SP140: variants seen among roughly 807,000 people sequenced by gnomAD.
SP140 encodes the protein SP140 nuclear body protein, also known as nuclear body protein SP140.
In SP140, 81 loss-of-function variants were observed where a neutral mutation model predicts 125.0. The observed-to-expected ratio is 0.65, with a 90% CI of 0.54 to 0.78. The LOEUF (loss-of-function observed/expected upper bound fraction) is 0.78, where lower values mean the gene tolerates loss of function less well. Ranked by LOEUF, SP140 falls within the 30% of genes least tolerant of loss-of-function variation. The pLI is 0.00. For missense variants in SP140, 858 were observed against 1,037.0 expected (o/e 0.83, Z 2.37); for synonymous variants, 312 against 354.0 (o/e 0.88, Z 1.33).
At chr2:230,208,970 A>C (rs1397666445) in intron 1 of SP140, among the ~76,000 whole-genome samples, 1 of 152,220 alleles carries the variant, frequency 6.6e-6, no homozygotes, top group Non-Finnish European at 1.5e-5. Context: ...GATGGCTTGG[A>C]AGGAGGAAAG....
In SP140 at chr2:230,294,254, A is replaced by G. The variant is rs1397670778; in HGVS notation, c.1969-17A>G. 5.6e-6 allele frequency: 9 copies of G among 1,610,960 alleles called. No individual in the cohort carries two copies. Among genetic ancestry groups the G allele is most frequent in the Non-Finnish European group, 7.6e-6 (9 of 1,177,306 alleles). ...AAACACAGGCTGACCATATACCTGA[A>G]TCTTTTTGTCTTTCAGAATGGATTT... On this transcript the variant is annotated splice_polypyrimidine_tract_variant and intron_variant, in intron 20 of 26. Coordinates refer to ENST00000392045, the MANE Select transcript of SP140 (RefSeq NM_007237.5).
At chr2:230,264,132 A>G (rs893442781) in intron 12 of SP140, among the ~76,000 whole-genome samples, 3 of 152,086 alleles carry the variant, frequency 2.0e-5, no homozygotes, top group African/African-American at 7.2e-5. Flanking sequence ...GTCATTTAAC[A>G]TAATCCCAGA....
At chr2:230,289,810 C>T (rs911018020) in intron 18 of SP140, among the ~76,000 whole-genome samples, 2 of 152,168 alleles carry the variant, frequency 1.3e-5, no homozygotes, top group Admixed American at 6.5e-5. Flanking sequence ...ATTCACTGCT[C>T]ACCCTCCTGG....
chr2:230,305,838 C>T (rs995541300), intron 22 of SP140, among the ~76,000 whole-genome samples: 3 of 152,242 alleles, frequency 2.0e-5, no homozygotes, highest in Non-Finnish European at 4.4e-5. Context: ...CGCCAGAGGC[C>T]GTGTCCCTAG....
In SP140 at chr2:230,217,077, C is replaced by T. The variant is rs1044062749; in HGVS notation, c.-91+3003C>T. On this transcript the variant is annotated intron_variant, in intron 3 of 4. Coordinates refer to the SP140 transcript ENST00000456542. ...CCTGGCCAACATGGTGAAACTCTGT[C>T]TCTACTAAAAATACAAAAATTAGCT... 7 of 629,604 alleles carry T rather than the reference C, an allele frequency of 1.1e-5. No homozygotes were observed. The Admixed American group carries it at 1.2e-4, about 11-fold the overall frequency. 39.0% of individuals were successfully genotyped at this position (629,604 alleles called of 1,614,324 possible).
intron 3 of SP140, among the ~76,000 whole-genome samples, chr2:230,240,136 T>C (rs1178857355): frequency 2.6e-5 from 4 of 152,184 alleles, no homozygotes; most frequent in African/African-American, 7.2e-5. Context: ...CCTCTACTTA[T>C]ACTACACAAC....
chr2:230,259,435 T>C (rs1377077101), intron 12 of SP140, among the ~76,000 whole-genome samples: 1 of 151,916 alleles, frequency 6.6e-6, no homozygotes, highest in Non-Finnish European at 1.5e-5. Context: ...CCCAGCACTT[T>C]GGGAGGCTGA....
downstream of SP140, among the ~76,000 whole-genome samples, chr2:230,313,735 C>T (rs906537925): frequency 6.6e-6 from 1 of 152,220 alleles, no homozygotes; most frequent in Non-Finnish European, 1.5e-5. Context: ...GGATCACTGT[C>T]TAGCCCAATG....
intron 21 of SP140, 65 bp downstream of exon 21, chr2:230,294,383 A>C (rs2057458068): frequency 1.0e-5 from 13 of 1,238,994 alleles, no homozygotes; most frequent in Non-Finnish European, 1.4e-5. Flanking sequence ...ACAAAATCTT[A>C]TTTTATGGGG....
At chr2:230,217,029 T>C (rs1333309949) in intron 3 of SP140, 1 of 897,210 alleles carries the variant, frequency 1.1e-6, no homozygotes, top group Admixed American at 2.0e-5. Context: ...GTGGATCACC[T>C]GAGGTCAAGA....
chr2:230,212,451 A>G (rs1284374455), intron 1 of SP140: 2 of 1,552,770 alleles, frequency 1.3e-6, no homozygotes, highest in East Asian at 4.5e-5. Context: ...AAAGGAAATT[A>G]TTACAGATTG....
chr2:230,288,959 T>G (rs765397719), intron 18 of SP140, among the ~76,000 whole-genome samples: 1 of 152,218 alleles, frequency 6.6e-6, no homozygotes, highest in Non-Finnish European at 1.5e-5. Context: ...GTAGACTGAT[T>G]TATAATCCTT....
rs73100101 is a variant in SP140 at position 230,208,227 on chromosome 2, A to G, written c.-323+4948A>G. 8.1e-3 allele frequency among the ~76,000 whole-genome samples: 1,240 copies of G among 152,314 alleles called. 11 individuals carry two copies. Among genetic ancestry groups the G allele is most frequent in the African/African-American group, 0.028 (1,172 of 41,570 alleles). On this transcript the variant is annotated intron_variant, in intron 1 of 4. Transcript: ENST00000456542. ...GTAATAGGGGAAGAAGGACTCTAAA[A>G]TGACAGAGGAAAAGGAGAAACGAAG...
intron 18 of SP140, among the ~76,000 whole-genome samples, chr2:230,288,455 A>ATCTTTCCT (rs2056680995): frequency 2.4e-5 from 3 of 123,522 alleles, no homozygotes; most frequent in Non-Finnish European, 5.1e-5. Context: ...TAGGCCAACT[A>ATCTTTCCT]TCTTTCTTTC....
chr2:230,284,134 T>C (rs1030789216), intron 15 of SP140, among the ~76,000 whole-genome samples: 6 of 152,300 alleles, frequency 3.9e-5, no homozygotes, highest in Middle Eastern at 3.4e-3. Context: ...TCATCTCCTG[T>C]AGTCTCTCCC....
At chr2:230,203,927 G>A (rs1261233443) in intron 1 of SP140, among the ~76,000 whole-genome samples, 1 of 152,132 alleles carries the variant, frequency 6.6e-6, no homozygotes, top group Admixed American at 6.5e-5. Context: ...GGTGATGGTT[G>A]CACAACATTG....
At chr2:230,215,162 G>T in intron 3 of SP140, 1 of 1,458,780 alleles carries the variant, frequency 6.9e-7, no homozygotes, top group South Asian at 1.1e-5. Flanking sequence ...CTATAAAATT[G>T]AATGGGAAGT....
intron 12 of SP140, among the ~76,000 whole-genome samples, chr2:230,259,806 T>C (rs955946814): frequency 9.7e-6 from 1 of 102,804 alleles, no homozygotes; most frequent in Non-Finnish European, 2.3e-5. Context: ...ACCACATACA[T>C]ACATATATAC....
At chr2:230,262,248 A>T (rs955204753) in intron 12 of SP140, among the ~76,000 whole-genome samples, 4 of 152,146 alleles carry the variant, frequency 2.6e-5, no homozygotes, top group African/African-American at 7.2e-5. Context: ...AAAGGTATTC[A>T]TAGTAACCTT....
Sources: gnomAD v4.1 joint callset for allele counts (sites outside exome capture counted in the v4.1 genomes callset) on GRCh38, gnomAD v4.1.1 for gene constraint, MANE v1.5 for transcripts, NCBI Gene and HGNC (gene_info 2026-07-23, HGNC 2026-07-21) for gene names.